Variants in IQSEC3 observed in about 807,000 individuals in gnomAD.
IQSEC3 encodes IQ motif and SEC7 domain-containing protein 3.
A neutral mutation model predicts 105.4 loss-of-function variants in IQSEC3; 50 were observed. That is an observed-to-expected ratio of 0.47 (90% CI 0.38 to 0.60). The LOEUF (loss-of-function observed/expected upper bound fraction) is 0.60, where lower values mean the gene tolerates loss of function less well. Among genes scored for constraint, IQSEC3 ranks in the 20% least tolerant of loss-of-function variants. The probability of loss-of-function intolerance (pLI) is 0.00; values close to 1 mark genes in which losing one functional copy is unlikely to be tolerated. For missense variants in IQSEC3, 1,415 were observed against 1,630.0 expected (o/e 0.87, Z 2.27); for synonymous variants, 708 against 746.0 (o/e 0.95, Z 0.83).
chr12:67,669 A>G (rs1381544308), intron 1 of IQSEC3, among the ~76,000 whole-genome samples: 6 of 141,602 alleles, frequency 4.2e-5, no homozygotes, highest in Non-Finnish European at 8.8e-5. Flanking sequence ...CATTAGTAGG[A>G]GCAAAGGAGG....
intron 3 of IQSEC3, among the ~76,000 whole-genome samples, chr12:130,692 T>C (rs1346095829): frequency 6.6e-6 from 1 of 152,150 alleles, no homozygotes; most frequent in Non-Finnish European, 1.5e-5. Context: ...ACGCCCTGCG[T>C]GTCAAGCACT....
rs371801023 is a variant in IQSEC3 at position 165,401 on chromosome 12, A to C, written c.2710-33A>C. On this transcript the variant is annotated intron_variant, in intron 9 of 13. Transcript: ENST00000538872. The stretch of plus-strand genomic sequence containing the variant: ...TCCATGTGTCCGTGAGTGTCTGTTC[A>C]TCAGGGCATGCCTGTTTCCCTCTCC... 9.1e-6 allele frequency: 14 copies of C among 1,545,702 alleles called. 1 individual carries two copies. In the African/African-American group the frequency reaches 1.4e-4, roughly 15 times the overall value.
chr12:68,430 A>T (rs1278681948), intron 1 of IQSEC3, among the ~76,000 whole-genome samples: 1 of 152,156 alleles, frequency 6.6e-6, no homozygotes, highest in Non-Finnish European at 1.5e-5. Flanking sequence ...GAGAAATGTT[A>T]ACCTCTCAGT....
chr12:149,925 C>T (rs1414752701), intron 5 of IQSEC3, among the ~76,000 whole-genome samples: 1 of 152,156 alleles, frequency 6.6e-6, no homozygotes, highest in African/African-American at 2.4e-5. Context: ...TTGGGTTTCA[C>T]ACTAGGGATG....
intron 1 of IQSEC3, among the ~76,000 whole-genome samples, chr12:90,977 T>G (rs1555073228): frequency 6.6e-6 from 1 of 151,892 alleles, no homozygotes; most frequent in African/African-American, 2.4e-5. Flanking sequence ...CCAAGATGGG[T>G]GGGGATGGGG....
intron 5 of IQSEC3, among the ~76,000 whole-genome samples, chr12:153,068 G>T (rs1431857200): frequency 6.6e-6 from 1 of 152,062 alleles, no homozygotes; most frequent in Non-Finnish European, 1.5e-5. Context: ...AAGAGAAGCA[G>T]CAGGACAGAG....
chr12:114,446 G>A (rs936115372), intron 2 of IQSEC3, among the ~76,000 whole-genome samples: 3 of 152,200 alleles, frequency 2.0e-5, no homozygotes, highest in Non-Finnish European at 4.4e-5. Context: ...AGATGTTTCT[G>A]TTCAGGCCCA....
At chr12:148,422 G>A (rs937959621) in intron 5 of IQSEC3, 7 of 152,154 alleles carry the variant, frequency 4.6e-5, no homozygotes, top group Admixed American at 1.3e-4. Context: ...AGAAAAATCA[G>A]CTCAGGGCTT....
chr12:86,036 T>C (rs782522318), intron 1 of IQSEC3, among the ~76,000 whole-genome samples: 3 of 152,180 alleles, frequency 2.0e-5, no homozygotes, highest in Non-Finnish European at 4.4e-5. Context: ...TAGAGATGAA[T>C]TGGTCACAGG....
chr12:78,126 C>G (rs1555069783), intron 1 of IQSEC3, among the ~76,000 whole-genome samples: 1 of 150,976 alleles, frequency 6.6e-6, no homozygotes. Context: ...CCCGCCTCCC[C>G]GCGCCCCAAC....
Position 90,081 on chromosome 12 carries a change from G to A in IQSEC3, c.555-9065G>A, listed in dbSNP as rs184258620. 4.4e-3 allele frequency among the ~76,000 whole-genome samples: 675 copies of A among 152,320 alleles called. 5 individuals carry two copies. The highest frequency in any genetic ancestry group is 0.015 in the African/African-American group (603 of 41,566). ...GTGCTCCGCACCCTTGTCAACACTCGGTTTTGTCAGACACAGATTTTATTC... is the reference window on the plus strand; with the variant it reads ...GTGCTCCGCACCCTTGTCAACACTCAGTTTTGTCAGACACAGATTTTATTC... On this transcript the variant is annotated intron_variant, in intron 1 of 13. Coordinates refer to ENST00000538872, the MANE Select transcript of IQSEC3 (RefSeq NM_001170738.2).
At chr12:142,811 C>G (rs1352506996) in intron 5 of IQSEC3, among the ~76,000 whole-genome samples, 1 of 152,188 alleles carries the variant, frequency 6.6e-6, no homozygotes, top group African/African-American at 2.4e-5. Flanking sequence ...CACGCCCTTC[C>G]TTTTCTGTGT....
chr12:87,906 T>C (rs1283726804), intron 1 of IQSEC3, among the ~76,000 whole-genome samples: 1 of 152,196 alleles, frequency 6.6e-6, no homozygotes, highest in East Asian at 1.9e-4. Flanking sequence ...CCTTATACAG[T>C]CCTTTAAAAA....
intron 3 of IQSEC3, among the ~76,000 whole-genome samples, chr12:137,983 C>T (rs377226695): frequency 2.0e-5 from 3 of 152,224 alleles, no homozygotes; most frequent in Middle Eastern, 3.4e-3. Context: ...TTGTAATACC[C>T]GCCACAGCAT....
intron 2 of IQSEC3, among the ~76,000 whole-genome samples, chr12:103,674 G>GCGGGGCT (rs1864520320): frequency 2.2e-5 from 1 of 45,556 alleles, no homozygotes; most frequent in Non-Finnish European, 4.0e-5. Context: ...CGGTGGGGAG[G>GCGGGGCT]CAGGGCTCAG....
intron 8 of IQSEC3, among the ~76,000 whole-genome samples, chr12:163,136 G>A: frequency 6.7e-6 from 1 of 150,330 alleles, no homozygotes; most frequent in Non-Finnish European, 1.5e-5. Flanking sequence ...GACAGAACCG[G>A]AGCCCCTCCC....
rs56824115 is a variant in IQSEC3, at chr12:129,608, T to C, written c.903+3696T>C. Among the ~76,000 whole-genome samples the C allele has an allele frequency of 3.8e-3, 560 of 148,274 alleles. 3 individuals are homozygous for C. Among genetic ancestry groups the C allele is most frequent in the African/African-American group, 0.013 (526 of 40,244 alleles). ...GTCCCTTTGGGGAGCCCTTTAGGAA[T>C]AGAGGGCCTAGGTGTCATTTTGAAA... On this transcript the variant is annotated intron_variant, in intron 3 of 13. Coordinates refer to ENST00000538872, the MANE Select transcript of IQSEC3 (RefSeq NM_001170738.2).
At chr12:161,482 G>A (rs1337571320) in intron 7 of IQSEC3, among the ~76,000 whole-genome samples, 1 of 152,124 alleles carries the variant, frequency 6.6e-6, no homozygotes, top group Non-Finnish European at 1.5e-5. Context: ...GGAGGGGAGA[G>A]GAGAGCCCAG....
rs139440816 is a variant in IQSEC3, at chr12:141,158, C to T, written c.2026C>T (p.Arg676Cys). The change falls in exon 5 of 14, where the codon CGC (arginine) becomes TGC (cysteine). Residue 676 changes from arginine to cysteine, a missense_variant. Physicochemically the swap from Arg to Cys is radical, Grantham distance 180. Around this residue, in one of 6 missense-constraint regions of IQSEC3, gnomAD observed 213 missense variants for 306.2 expected, o/e 0.70. Coordinates refer to ENST00000538872, the MANE Select transcript of IQSEC3 (RefSeq NM_001170738.2). Reference protein sequence around the residue: ...PDKGIQFLISRGFIPDTPIGV... With the variant: ...PDKGIQFLISCGFIPDTPIGV... ...CAAGGGCATCCAGTTCCTGATCTCA[C>T]GCGGCTTCATCCCGGACACCCCCAT... 6.5e-4 allele frequency: 1,039 copies of T among 1,596,070 alleles called. No individual in the cohort carries two copies. Among genetic ancestry groups the T allele is most frequent in the Non-Finnish European group, 8.3e-4 (966 of 1,168,664 alleles).
Sources: allele counts gnomAD v4.1 joint callset (sites outside exome capture counted in the v4.1 genomes callset), GRCh38; gene constraint gnomAD v4.1.1; regional missense constraint gnomAD v4.1.1; transcripts MANE v1.5; gene names NCBI Gene and HGNC (gene_info 2026-07-23, HGNC 2026-07-21).